FHIT: variants seen among roughly 807,000 people sequenced by gnomAD.
FHIT encodes bis(5'-adenosyl)-triphosphatase.
In FHIT, 19 loss-of-function variants were observed where a neutral mutation model predicts 17.9. The observed-to-expected ratio is 1.06, with a 90% CI of 0.74 to 1.56. The LOEUF is 1.56. Among genes scored for constraint, FHIT ranks in the 40% most tolerant of loss-of-function variants. The pLI, the probability that FHIT is intolerant of heterozygous loss-of-function variation, is 0.00. For synonymous variants in FHIT, 81 were observed against 69.7 expected (o/e 1.16, Z -0.81); for missense variants, 248 against 189.2 (o/e 1.31, Z -1.82).
chr3:61,242,152 T>C (rs929115817), intron 1 of FHIT, among the ~76,000 whole-genome samples: 13 of 152,310 alleles, frequency 8.5e-5, no homozygotes, highest in African/African-American at 3.1e-4. Context: ...ATGCATTTTC[T>C]ATGAGTCAGA....
chr3:60,794,318 A>G (rs559247322), intron 4 of FHIT, among the ~76,000 whole-genome samples: 1 of 152,288 alleles, frequency 6.6e-6, no homozygotes, highest in South Asian at 2.1e-4. Flanking sequence ...CATATTCTAA[A>G]TAGAGAGATG....
chr3:59,977,642 C>T (rs1057426054), intron 7 of FHIT, among the ~76,000 whole-genome samples: 4 of 152,116 alleles, frequency 2.6e-5, no homozygotes, highest in Non-Finnish European at 5.9e-5. Context: ...GTCATTGTTT[C>T]GTCTAACAAT....
intron 3 of FHIT, among the ~76,000 whole-genome samples, chr3:60,870,025 G>A (rs898359862): frequency 2.0e-5 from 3 of 152,024 alleles, no homozygotes; most frequent in Admixed American, 2.0e-4. Flanking sequence ...TAAATATTGT[G>A]GGTACCTAGA....
At chr3:61,099,382 T>G (rs1447666834) in intron 2 of FHIT, among the ~76,000 whole-genome samples, 1 of 152,122 alleles carries the variant, frequency 6.6e-6, no homozygotes, top group African/African-American at 2.4e-5. Flanking sequence ...TGCAGTTTTT[T>G]TTTGTTGTAT....
At chr3:59,797,219 C>T (rs1034983716) in intron 8 of FHIT, among the ~76,000 whole-genome samples, 3 of 148,280 alleles carry the variant, frequency 2.0e-5, no homozygotes, top group African/African-American at 7.6e-5. Flanking sequence ...CAGAGTCTTG[C>T]TCTGTAGCCC....
chr3:60,330,375 C>T (rs1709907697), intron 5 of FHIT, among the ~76,000 whole-genome samples: 1 of 152,148 alleles, frequency 6.6e-6, no homozygotes, highest in African/African-American at 2.4e-5. Context: ...GACAAACACC[C>T]CATCAGTCTT....
chr3:60,201,821 G>C (rs770696748), intron 5 of FHIT, among the ~76,000 whole-genome samples: 19 of 145,926 alleles, frequency 1.3e-4, no homozygotes, highest in Non-Finnish European at 2.2e-4. Flanking sequence ...CTAGACCCCA[G>C]TTAAACTTCT....
intron 5 of FHIT, among the ~76,000 whole-genome samples, chr3:60,025,028 C>T (rs1700688715): frequency 1.3e-5 from 2 of 152,074 alleles, no homozygotes; most frequent in South Asian, 4.1e-4. Context: ...GTAGGAGCAA[C>T]AAGACTTAAC....
chr3:59,791,024 C>T (rs1699533693), intron 8 of FHIT, among the ~76,000 whole-genome samples: 1 of 152,210 alleles, frequency 6.6e-6, no homozygotes, highest in African/African-American at 2.4e-5. Context: ...TTTCTGAGTT[C>T]TCCCTGACTT....
chr3:60,918,363 T>C (rs1707111352), intron 3 of FHIT, among the ~76,000 whole-genome samples: 1 of 152,236 alleles, frequency 6.6e-6, no homozygotes, highest in Non-Finnish European at 1.5e-5. Context: ...TACTAAACTC[T>C]TATTAGATAA....
Position 60,083,736 on chromosome 3 carries a change from A to T in FHIT, c.104-69584T>A, listed in dbSNP as rs147020588. Among the ~76,000 whole-genome samples the T allele has an allele frequency of 1.2e-4, 18 of 152,314 alleles. No individual in the cohort carries two copies. The East Asian group carries it at 3.3e-3, about 28-fold the overall frequency. ...TGCAACAACTCAACTCTGCCATTACAGCATTAAAGCAGTCATATATAATAT... is the reference window on the plus strand; with the variant it reads ...TGCAACAACTCAACTCTGCCATTACTGCATTAAAGCAGTCATATATAATAT... On this transcript the variant is annotated intron_variant, in intron 5 of 9. Transcript: ENST00000492590.
intron 5 of FHIT, among the ~76,000 whole-genome samples, chr3:60,373,768 C>T (rs994257481): frequency 1.3e-5 from 2 of 152,164 alleles, no homozygotes; most frequent in Non-Finnish European, 2.9e-5. Flanking sequence ...TCTATCTAAC[C>T]AGAATGCCAT....
At chr3:60,106,840 C>T (rs138931247) in intron 5 of FHIT, among the ~76,000 whole-genome samples, 29 of 152,318 alleles carry the variant, frequency 1.9e-4, no homozygotes, top group African/African-American at 7.0e-4. Context: ...TCCAATCATA[C>T]AGTTCCTCTG....
chr3:60,815,509 CT>C (rs1701711170), intron 4 of FHIT, among the ~76,000 whole-genome samples: 1 of 151,862 alleles, frequency 6.6e-6, no homozygotes, highest in Non-Finnish European at 1.5e-5. Flanking sequence ...TTCTCCATTG[CT>C]TTTGTTAACT....
chr3:60,849,534 A>C (rs1553747628), intron 3 of FHIT, among the ~76,000 whole-genome samples: 1 of 151,442 alleles, frequency 6.6e-6, no homozygotes, highest in East Asian at 1.9e-4. Context: ...GCTCCGATCC[A>C]ACAGAGTAAG....
chr3:60,637,252 T>C (rs1050020937), intron 4 of FHIT, among the ~76,000 whole-genome samples: 30 of 152,224 alleles, frequency 2.0e-4, no homozygotes, highest in African/African-American at 6.3e-4. Flanking sequence ...GATTTTGGTA[T>C]GAAACTTCTT....
At chr3:59,782,321 T>C (rs769659442) in intron 8 of FHIT, among the ~76,000 whole-genome samples, 7 of 152,186 alleles carry the variant, frequency 4.6e-5, no homozygotes, top group Non-Finnish European at 1.0e-4. Context: ...TACTGGGTTG[T>C]TGTGTGCCTG....
intron 2 of FHIT, among the ~76,000 whole-genome samples, chr3:61,074,900 T>C (rs970895266): frequency 6.6e-6 from 1 of 152,070 alleles, no homozygotes; most frequent in Non-Finnish European, 1.5e-5. Context: ...GAGCATTGAG[T>C]GTGTGAACCT....
chr3:60,224,226 G>A (rs760560774), intron 5 of FHIT, among the ~76,000 whole-genome samples: 21 of 152,098 alleles, frequency 1.4e-4, no homozygotes, highest in Non-Finnish European at 2.9e-4. Flanking sequence ...GAGGTTCACA[G>A]AGGAGAATCC....
Sources: allele counts gnomAD v4.1 joint callset (sites outside exome capture counted in the v4.1 genomes callset), GRCh38; gene constraint gnomAD v4.1.1; transcripts MANE v1.5; gene names NCBI Gene and HGNC (gene_info 2026-07-23, HGNC 2026-07-21).